Variants in GLB1L2 observed in about 807,000 individuals in gnomAD.
The protein encoded by GLB1L2 is galactosidase beta 1 like 2, also known as beta-galactosidase-1-like protein 2.
A neutral mutation model predicts 84.1 loss-of-function variants in GLB1L2; 68 were observed. The ratio of observed to expected loss-of-function variants is 0.81; its 90% confidence interval spans 0.67 to 0.99. GLB1L2 has a LOEUF of 0.99. Ranked by LOEUF, GLB1L2 falls within the 50% of genes least tolerant of loss-of-function variation. The pLI, the probability that GLB1L2 is intolerant of heterozygous loss-of-function variation, is 0.00. For missense variants in GLB1L2, 762 were observed against 805.6 expected (o/e 0.95, Z 0.66); for synonymous variants, 290 against 318.0 (o/e 0.91, Z 0.94).
intron 7 of GLB1L2, among the ~76,000 whole-genome samples, chr11:134,361,773 T>A (rs1191805099): frequency 6.6e-6 from 1 of 152,134 alleles, no homozygotes; most frequent in Non-Finnish European, 1.5e-5. Flanking sequence ...GCTGCTTGGC[T>A]GCATCCCGCG....
intron 10 of GLB1L2, among the ~76,000 whole-genome samples, chr11:134,369,476 C>T (rs12787947): frequency 3.0e-3 from 172 of 57,372 alleles, no homozygotes; most frequent in Middle Eastern, 0.023. Context: ...ATTACAGGTG[C>T]GAGCTGCTGC....
In GLB1L2 at chr11:134,368,662, C is replaced by T. The variant is rs1271116208; in HGVS notation, c.908C>T (p.Ser303Phe). The change falls in exon 10 of 19, where the codon TCT becomes TTT. Residue 303 changes from serine to phenylalanine, a missense_variant. By Grantham distance (155) the Ser-to-Phe change is radical. Around this residue, in one of 3 missense-constraint regions of GLB1L2, gnomAD observed 603 missense variants for 611.7 expected, o/e 0.99. Transcript: ENST00000535456. ...LDSSEVLKTV[S>F]AIVDAGSSIN... Reference sequence around the variant, plus strand: ...CCGGCAGAGGTTTTGAAAACCGTGTCTGCCATTGTGGACGCCGGCTCCTCC... The same window carrying T: ...CCGGCAGAGGTTTTGAAAACCGTGTTTGCCATTGTGGACGCCGGCTCCTCC... 2 of 1,613,840 alleles carry T rather than the reference C, an allele frequency of 1.2e-6. No individual in the cohort carries two copies. The highest frequency in any genetic ancestry group is 2.2e-5 in the East Asian group (1 of 44,890).
At chr11:134,342,690 GCGAGGAAGC>G (rs1943484895) in intron 1 of GLB1L2, 55 bp from the exon 2 acceptor site, 1 of 1,507,772 alleles carries the variant, frequency 6.6e-7, no homozygotes, top group African/African-American at 1.4e-5. Context: ...CTGCGAAGGG[GCGAGGAAGC>G]CGATCTCTCT....
intron 8 of GLB1L2, among the ~76,000 whole-genome samples, chr11:134,366,147 C>G (rs1943865426): frequency 6.6e-6 from 1 of 152,122 alleles, no homozygotes; most frequent in Admixed American, 6.5e-5. Context: ...CTCCGCAGCT[C>G]TGGTACCCTC....
At chr11:134,345,693 A>T (rs1943544275) in intron 4 of GLB1L2, among the ~76,000 whole-genome samples, 2 of 151,772 alleles carry the variant, frequency 1.3e-5, no homozygotes, top group South Asian at 4.2e-4. Context: ...CTGGTCTGGA[A>T]CTCCTGACCT....
At chr11:134,371,934 G>C (rs1427320574) in intron 15 of GLB1L2, 104 bp downstream of exon 15, 4 of 1,095,154 alleles carry the variant, frequency 3.7e-6, no homozygotes, top group Non-Finnish European at 4.1e-6. Context: ...GCCTCTTGCA[G>C]GGAGGTGGAG....
intron 1 of GLB1L2, among the ~76,000 whole-genome samples, chr11:134,340,288 G>GTGTGCATGTGCA (rs149073884): frequency 6.6e-6 from 1 of 151,616 alleles, no homozygotes; most frequent in African/African-American, 2.4e-5. Context: ...TTTTGTGTGT[G>GTGTGCATGTGCA]TGTGCATGTG....
Position 134,371,031 on chromosome 11 carries a change from C to A in GLB1L2, c.1239C>A (p.Ile413=), listed in dbSNP as rs749574946. ...AGCCAATCAAGTCTGAAAAGCCCAT[C>A]AACATGGAGAACCTGCCAGTCAATG... ...LGEPIKSEKP[I]NMENLPVNGG... is the part of the protein sequence containing the mutation. Residue 413 remains isoleucine, a synonymous_variant, in exon 13 of 19, where the codon ATC becomes ATA. Coordinates refer to ENST00000535456, the MANE Select transcript of GLB1L2 (RefSeq NM_001370461.1). The A allele has an allele frequency of 3.1e-6, 5 of 1,614,160 alleles. No individual in the cohort carries two copies. The highest frequency in any genetic ancestry group is 3.4e-6 in the Non-Finnish European group (4 of 1,180,024).
intron 1 of GLB1L2, among the ~76,000 whole-genome samples, chr11:134,335,402 G>C (rs527896915): frequency 6.6e-6 from 1 of 152,140 alleles, no homozygotes; most frequent in Non-Finnish European, 1.5e-5. Context: ...CAAACTCTTT[G>C]AACAGTGTTC....
chr11:134,374,342 A>G (rs1450189087), intron 17 of GLB1L2, 86 bp downstream of exon 17: 1 of 1,136,336 alleles, frequency 8.8e-7, no homozygotes, highest in Admixed American at 1.7e-5. Flanking sequence ...GCTTGGCGAG[A>G]GTCGTTGGTG....
At chr11:134,347,150 C>T (rs980943898) in intron 4 of GLB1L2, 175 bp from the exon 5 acceptor site, 8 of 626,784 alleles carry the variant, frequency 1.3e-5, no homozygotes, top group African/African-American at 1.3e-4. Flanking sequence ...CGGGTGGGTG[C>T]TCGCCCCAGA....
chr11:134,369,703 G>A, intron 10 of GLB1L2, 102 bp from the exon 11 acceptor site: 2 of 949,294 alleles, frequency 2.1e-6, no homozygotes, highest in South Asian at 1.8e-5. Context: ...CCCAATGGCT[G>A]AGATGAAGAC....
At chr11:134,363,898 GAC>G (rs1296597000) in intron 7 of GLB1L2, among the ~76,000 whole-genome samples, 1 of 152,138 alleles carries the variant, frequency 6.6e-6, no homozygotes, top group Non-Finnish European at 1.5e-5. Context: ...ATTTTTGTGA[GAC>G]ACAGTCTCAC....
chr11:134,341,281 G>T (rs533528823), intron 1 of GLB1L2, among the ~76,000 whole-genome samples: 5 of 152,092 alleles, frequency 3.3e-5, no homozygotes, highest in African/African-American at 1.2e-4. Context: ...GCATTTCTCC[G>T]GGACCCTCAC....
chr11:134,337,740 T>C (rs1943407099), intron 1 of GLB1L2, among the ~76,000 whole-genome samples: 1 of 152,198 alleles, frequency 6.6e-6, no homozygotes, highest in Non-Finnish European at 1.5e-5. Flanking sequence ...TGTGGGCAGC[T>C]GAACACACTT....
chr11:134,371,625 G>A, intron 14 of GLB1L2, 127 bp from the exon 15 acceptor site: 1 of 1,098,230 alleles, frequency 9.1e-7, no homozygotes, highest in Non-Finnish European at 1.4e-6. Flanking sequence ...GGCGAGTGTG[G>A]CTTTCTGCCC....
chr11:134,366,427 C>T (rs574686604), intron 8 of GLB1L2, among the ~76,000 whole-genome samples: 4 of 152,302 alleles, frequency 2.6e-5, no homozygotes, highest in South Asian at 2.1e-4. Flanking sequence ...TATGCGGTAT[C>T]CCTCTAAACA....
In GLB1L2 at chr11:134,334,950, T is replaced by G. The variant is rs1223489316; in HGVS notation, c.86+2803T>G. On this transcript the variant is annotated intron_variant, in intron 1 of 18. Coordinates refer to ENST00000535456, the MANE Select transcript of GLB1L2 (RefSeq NM_001370461.1). The surrounding 1 kb of genome is among the most constrained non-coding windows in gnomAD (Gnocchi z 4.1). ...TTCTCATTCATGATTTTTTCCTTAA[T>G]ATAAATGAATCACCGAGCAAGAATA... Among the ~76,000 whole-genome samples the G allele has an allele frequency of 6.6e-6, 1 of 152,164 alleles. No homozygotes were observed. Among genetic ancestry groups the G allele is most frequent in the East Asian group, 1.9e-4 (1 of 5,194 alleles).
chr11:134,345,512 T>C (rs528249976), intron 4 of GLB1L2, among the ~76,000 whole-genome samples: 1 of 152,300 alleles, frequency 6.6e-6, no homozygotes, highest in African/African-American at 2.4e-5. Context: ...GCTCTGGCAC[T>C]CAGGCTGGAG....
Sources: allele counts gnomAD v4.1 joint callset (sites outside exome capture counted in the v4.1 genomes callset), GRCh38; gene constraint gnomAD v4.1.1; regional missense constraint gnomAD v4.1.1; non-coding constraint Gnocchi (gnomAD v3.1); transcripts MANE v1.5; gene names NCBI Gene and HGNC (gene_info 2026-07-23, HGNC 2026-07-21).